The following DCTN6 variants were observed in gnomAD, a reference collection of about 807,000 sequenced individuals.
DCTN6 encodes dynactin 6.
Under a neutral mutation model 25.8 loss-of-function variants are expected in DCTN6, and 15 were observed. That is an observed-to-expected ratio of 0.58 (90% CI 0.39 to 0.89). DCTN6 has a LOEUF of 0.89. Ranked by LOEUF, DCTN6 falls within the 40% of genes least tolerant of loss-of-function variation. DCTN6 has a pLI of 0.00. For missense variants in DCTN6, 198 were observed against 237.6 expected (o/e 0.83, Z 1.09); for synonymous variants, 64 against 78.3 (o/e 0.82, Z 0.96).
intron 1 of DCTN6, among the ~76,000 whole-genome samples, chr8:30,162,117 T>C (rs1307524158): frequency 6.7e-6 from 1 of 149,698 alleles, no homozygotes. Context: ...CGAGATGGAG[T>C]CTCGCTCAGT....
At position 30,164,189 on chromosome 8, in the gene DCTN6, T is replaced by A; in HGVS notation, c.88+14T>A. On this transcript the variant is annotated intron_variant, in intron 2 of 6. Transcript: ENST00000221114. ...ATGTAACTATCGGTAAGAAATAGTT[T>A]ATTTACTGTTTTTCAAGAATTGATG... 6.3e-7 allele frequency: 1 copy of A among 1,589,184 alleles called. No individual in the cohort carries two copies. Among genetic ancestry groups the A allele is most frequent in the African/African-American group, 1.3e-5 (1 of 74,544 alleles).
chr8:30,167,710 T>C (rs983186048), intron 2 of DCTN6, among the ~76,000 whole-genome samples: 1 of 152,036 alleles, frequency 6.6e-6, no homozygotes, highest in Non-Finnish European at 1.5e-5. Context: ...TTTCTTTCTT[T>C]CTTTTTGAGA....
intron 2 of DCTN6, among the ~76,000 whole-genome samples, chr8:30,169,900 C>T (rs967520848): frequency 6.6e-6 from 1 of 152,176 alleles, no homozygotes; most frequent in African/African-American, 2.4e-5. Context: ...AGGCCAGAGG[C>T]GGTGGCTCAC....
chr8:30,160,520 A>G (rs780514767), intron 1 of DCTN6, among the ~76,000 whole-genome samples: 16 of 152,150 alleles, frequency 1.1e-4, no homozygotes, highest in Non-Finnish European at 1.8e-4. Context: ...AGACCAATAC[A>G]CTAGTCAAAC....
intron 3 of DCTN6, among the ~76,000 whole-genome samples, chr8:30,176,241 T>C (rs1178740940): frequency 6.6e-6 from 1 of 152,158 alleles, no homozygotes; most frequent in Non-Finnish European, 1.5e-5. Context: ...ATTTAAAAAA[T>C]AAAGTAGGCT....
chr8:30,172,945 A>G (rs1411664108), intron 2 of DCTN6, among the ~76,000 whole-genome samples: 5 of 152,228 alleles, frequency 3.3e-5, no homozygotes, highest in Non-Finnish European at 4.4e-5. Flanking sequence ...AGATGCACAC[A>G]TTTACACTCA....
In DCTN6 at chr8:30,177,234, A is replaced by G. The variant is rs1287060293; in HGVS notation, c.283+20A>G. 1 of 1,588,784 alleles carries G rather than the reference A, an allele frequency of 6.3e-7. No homozygotes were observed. Among genetic ancestry groups the G allele is most frequent in the Non-Finnish European group, 8.6e-7 (1 of 1,159,788 alleles). ...GCTGTTGTATCCTTTACAATAATCT[A>G]CCATAAATAATTCCTGGCTCTCCTT... On this transcript the variant is annotated intron_variant, in intron 4 of 6. Coordinates refer to ENST00000221114, the MANE Select transcript of DCTN6 (RefSeq NM_006571.4).
chr8:30,169,766 A>G (rs1046298864), intron 2 of DCTN6, among the ~76,000 whole-genome samples: 3 of 152,198 alleles, frequency 2.0e-5, no homozygotes, highest in Non-Finnish European at 4.4e-5. Context: ...GCTGTTTCTT[A>G]TGGTGCTTGA....
At chr8:30,173,905 G>A (rs979505926) in intron 2 of DCTN6, among the ~76,000 whole-genome samples, 9 of 152,062 alleles carry the variant, frequency 5.9e-5, no homozygotes, top group East Asian at 3.9e-4. Flanking sequence ...GGGTACGTGG[G>A]ATGGATATTG....
At chr8:30,167,876 T>C (rs1314718531) in intron 2 of DCTN6, among the ~76,000 whole-genome samples, 4 of 152,046 alleles carry the variant, frequency 2.6e-5, no homozygotes, top group Non-Finnish European at 5.9e-5. Flanking sequence ...TTTTTTTGTA[T>C]TTTTAGTAGA....
intron 2 of DCTN6, among the ~76,000 whole-genome samples, chr8:30,171,649 C>T (rs188215586): frequency 6.6e-6 from 1 of 152,240 alleles, no homozygotes; most frequent in African/African-American, 2.4e-5. Context: ...TTCCCCTTGG[C>T]TAACAGGAGG....
At chr8:30,163,108 A>C (rs747111126) in intron 1 of DCTN6, among the ~76,000 whole-genome samples, 2 of 151,994 alleles carry the variant, frequency 1.3e-5, no homozygotes, top group Non-Finnish European at 2.9e-5. Flanking sequence ...GACCAGCCTC[A>C]CCAACCTGAA....
At chr8:30,167,868 T>G (rs902618050) in intron 2 of DCTN6, among the ~76,000 whole-genome samples, 2 of 152,008 alleles carry the variant, frequency 1.3e-5, no homozygotes, top group Non-Finnish European at 2.9e-5. Context: ...TTGGCTAATT[T>G]TTTTGTATTT....
chr8:30,162,739 G>A (rs1803612979), intron 1 of DCTN6, among the ~76,000 whole-genome samples: 1 of 152,042 alleles, frequency 6.6e-6, no homozygotes, highest in Non-Finnish European at 1.5e-5. Context: ...GTCTTTTGAA[G>A]AATTTGTACT....
intron 2 of DCTN6, among the ~76,000 whole-genome samples, chr8:30,174,388 A>G (rs1303179321): frequency 1.3e-5 from 2 of 151,540 alleles, no homozygotes; most frequent in East Asian, 1.9e-4. Flanking sequence ...GCTGGAGTAC[A>G]GTGGCATGAT....
intron 6 of DCTN6, among the ~76,000 whole-genome samples, chr8:30,181,434 G>C (rs1803909320): frequency 6.6e-6 from 1 of 152,136 alleles, no homozygotes; most frequent in Non-Finnish European, 1.5e-5. Flanking sequence ...TCTCCTCCTA[G>C]AAATTCAGAT....
chr8:30,160,209 C>T (rs997061080), intron 1 of DCTN6, among the ~76,000 whole-genome samples: 2 of 152,208 alleles, frequency 1.3e-5, no homozygotes, highest in African/African-American at 4.8e-5. Context: ...ATAATTCCCA[C>T]ATGTTGTGGG....
Position 30,179,406 on chromosome 8 carries a change from A to G in DCTN6, c.284-2A>G. On this transcript the variant is annotated splice_acceptor_variant, in intron 4 of 6. Coordinates refer to ENST00000221114, the MANE Select transcript of DCTN6 (RefSeq NM_006571.4). LOFTEE classifies it high-confidence loss of function. ...TAGTATTTACCTAACTCTGGCTTAC[A>G]GATTCCCAAGCCATGAAGATGGGAG... 6.2e-7 allele frequency: 1 copy of G among 1,611,116 alleles called. No homozygotes were observed. Among genetic ancestry groups the G allele is most frequent in the Non-Finnish European group, 8.5e-7 (1 of 1,178,206 alleles).
chr8:30,166,562 T>TA lies in DCTN6; in HGVS notation c.88+2388dup, dbSNP rs1418031598. On this transcript the variant is annotated intron_variant, in intron 2 of 6. Transcript: ENST00000221114. ...CACAGGCATTATGTGGTGGGGGGGG[T>TA]ATGTATTTCAGATTTGAAATAACAT... Among the ~76,000 whole-genome samples the TA allele has an allele frequency of 2.0e-5, 3 of 151,800 alleles. No individual in the cohort carries two copies. In the South Asian group the frequency reaches 6.2e-4, roughly 32 times the overall value.
Sources: allele counts gnomAD v4.1 joint callset (sites outside exome capture counted in the v4.1 genomes callset), GRCh38; gene constraint gnomAD v4.1.1; transcripts MANE v1.5; gene names NCBI Gene and HGNC (gene_info 2026-07-23, HGNC 2026-07-21).